The following PLSCR2 variants were observed in gnomAD, a reference collection of about 807,000 sequenced individuals.
The protein encoded by PLSCR2 is PL scramblase 2.
A neutral mutation model predicts 25.3 loss-of-function variants in PLSCR2; 18 were observed. The observed-to-expected ratio is 0.71, with a 90% confidence interval of 0.49 to 1.06. The LOEUF (loss-of-function observed/expected upper bound fraction) is 1.06. Ranked by LOEUF, PLSCR2 falls within the 50% of genes least tolerant of loss-of-function variation. PLSCR2 has a pLI of 0.00. For synonymous variants in PLSCR2, 88 were observed against 87.3 expected (o/e 1.01, Z -0.04); for missense variants, 243 against 269.5 (o/e 0.90, Z 0.69).
chr3:146,438,834 T>C (rs533170366), downstream of PLSCR2, among the ~76,000 whole-genome samples: 134 of 152,318 alleles, frequency 8.8e-4, no homozygotes, highest in African/African-American at 3.1e-3. Context: ...TAGCTGGTTA[T>C]TTTGCTCATT....
chr3:146,472,125 A>G (rs2042138298), intron 1 of PLSCR2, among the ~76,000 whole-genome samples: 3 of 152,232 alleles, frequency 2.0e-5, no homozygotes, highest in Non-Finnish European at 4.4e-5. Context: ...GTGCAAGCAC[A>G]TGCTGTGTAT....
At chr3:146,414,869 A>G (rs2038960213) in intron 2 of PLSCR2, among the ~76,000 whole-genome samples, 1 of 152,220 alleles carries the variant, frequency 6.6e-6, no homozygotes, top group African/African-American at 2.4e-5. Flanking sequence ...TGTTATACCT[A>G]TGTTTAGCAT....
chr3:146,393,307 C>A (rs1340031472), intron 3 of PLSCR2, among the ~76,000 whole-genome samples: 1 of 151,130 alleles, frequency 6.6e-6, no homozygotes, highest in South Asian at 2.1e-4. Flanking sequence ...GGATTACAGG[C>A]GTGAGCCACC....
upstream of PLSCR2, chr3:146,464,082 G>A (rs1163410788): frequency 2.2e-6 from 1 of 448,214 alleles, no homozygotes; most frequent in Non-Finnish European, 2.9e-6. Flanking sequence ...GCATTAACTG[G>A]TCAGAAATCA....
chr3:146,482,909 G>T (rs1388258486), intron 1 of PLSCR2, among the ~76,000 whole-genome samples: 1 of 152,106 alleles, frequency 6.6e-6, no homozygotes, highest in Non-Finnish European at 1.5e-5. Context: ...AAAATGATGA[G>T]TTCATGTCCT....
rs73865722 is a variant in PLSCR2 at position 146,451,729 on chromosome 3, T to A, written c.483+2273A>T. Among the ~76,000 whole-genome samples the A allele has an allele frequency of 4.0e-3, 606 of 152,300 alleles. 5 individuals are homozygous for A. Among genetic ancestry groups the A allele is most frequent in the African/African-American group, 0.013 (549 of 41,566 alleles). On this transcript the variant is annotated intron_variant, in intron 5 of 6. Transcript: ENST00000610787. ...ATGAGAGTAAGGCCAGAGTTTGAGT[T>A]ATTCACCAATAGCCAGTGGTTTAAA...
chr3:146,418,262 G>A (rs1283939195), intron 2 of PLSCR2, among the ~76,000 whole-genome samples: 1 of 152,054 alleles, frequency 6.6e-6, no homozygotes, highest in African/African-American at 2.4e-5. Context: ...CACATGCAAA[G>A]TATATAAACC....
chr3:146,429,129 TG>T (rs1448200790), downstream of PLSCR2, among the ~76,000 whole-genome samples: 1 of 152,202 alleles, frequency 6.6e-6, no homozygotes, highest in Non-Finnish European at 1.5e-5. Context: ...ATTTGGCTCA[TG>T]GTTCTGCAGG....
chr3:146,457,311 A>G (rs1267092714), intron 3 of PLSCR2, among the ~76,000 whole-genome samples: 1 of 152,204 alleles, frequency 6.6e-6, no homozygotes, highest in Non-Finnish European at 1.5e-5. Flanking sequence ...ATTATATCAG[A>G]AGGAAGACGC....
intron 1 of PLSCR2, among the ~76,000 whole-genome samples, chr3:146,489,970 C>G (rs2043486498): frequency 6.6e-6 from 1 of 152,060 alleles, no homozygotes; most frequent in Admixed American, 6.6e-5. Context: ...GGCACATTTA[C>G]CCCATTCCGG....
intron 2 of PLSCR2, among the ~76,000 whole-genome samples, chr3:146,403,882 C>G (rs1010697468): frequency 6.6e-6 from 1 of 152,074 alleles, no homozygotes; most frequent in African/African-American, 2.4e-5. Flanking sequence ...AATTCTTTGC[C>G]TTCTACTTTT....
chr3:146,472,078 G>A (rs1230730593), intron 1 of PLSCR2, among the ~76,000 whole-genome samples: 1 of 152,164 alleles, frequency 6.6e-6, no homozygotes, highest in African/African-American at 2.4e-5. Flanking sequence ...AGTTGGGAAT[G>A]TCTAGTTGTC....
chr3:146,458,339 G>C lies in PLSCR2; in HGVS notation c.100+72C>G, dbSNP rs547555552. 9.3e-4 allele frequency: 1,201 copies of C among 1,286,786 alleles called. 5 individuals are homozygous for C. The Middle Eastern group carries it at 9.7e-3, about 10-fold the overall frequency. 79.7% of individuals were successfully genotyped at this position (1,286,786 alleles called of 1,614,324 possible). On this transcript the variant is annotated intron_variant, in intron 3 of 6. Coordinates refer to ENST00000610787, the Ensembl canonical transcript of PLSCR2. ...CATCACTCGGAATGCTATATTTATA[G>C]TTTTTGATGTATCTTTATTTGCATA...
chr3:146,392,082 A>G (rs1287400608), intron 3 of PLSCR2, among the ~76,000 whole-genome samples: 1 of 152,028 alleles, frequency 6.6e-6, no homozygotes, highest in Non-Finnish European at 1.5e-5. Flanking sequence ...TTTAATATCT[A>G]TTTATTACTC....
Position 146,400,794 on chromosome 3 carries a change from A to G in PLSCR2, c.101-4873T>C, listed in dbSNP as rs545788677. 5.9e-5 allele frequency among the ~76,000 whole-genome samples: 9 copies of G among 152,024 alleles called. No homozygotes were observed. In the East Asian group the frequency reaches 1.7e-3, roughly 29 times the overall value. On this transcript the variant is annotated intron_variant and NMD_transcript_variant, in intron 2 of 3. Transcript: ENST00000463633. ...TGATCCTAGCTCCGTGTGTGTATAT[A>G]TATTTGTATGTATATACATAGGTAG...
intron 2 of PLSCR2, among the ~76,000 whole-genome samples, chr3:146,427,868 C>A (rs1002422175): frequency 1.3e-5 from 2 of 152,130 alleles, no homozygotes; most frequent in African/African-American, 4.8e-5. Context: ...TAGCCCAGAG[C>A]AATATCTTTG....
chr3:146,436,048 G>C (rs1393051651), intron 8 of PLSCR2, among the ~76,000 whole-genome samples: 1 of 152,098 alleles, frequency 6.6e-6, no homozygotes, highest in Non-Finnish European at 1.5e-5. Context: ...CCCATTTCTT[G>C]TTTTTGTCAG....
chr3:146,392,779 G>T (rs555864911), intron 3 of PLSCR2, among the ~76,000 whole-genome samples: 59 of 149,984 alleles, frequency 3.9e-4, no homozygotes, highest in African/African-American at 1.4e-3. Flanking sequence ...GTACAAGTAT[G>T]GGTACTCTTT....
At position 146,469,567 on chromosome 3, in the gene PLSCR2, G is replaced by T. The variant is rs1188502687; in HGVS notation, c.-292-9283C>A. ...AGCGTGGCTTCCTCCCGTCTGCCCC[G>T]TGACTGCCAGGCACACCTGTTGCAC... On this transcript the variant is annotated intron_variant, in intron 1 of 8. Coordinates refer to the PLSCR2 transcript ENST00000336685. The T allele has an allele frequency of 7.1e-6, 7 of 985,290 alleles. No individual in the cohort carries two copies. The highest frequency in any genetic ancestry group is 3.6e-6 in the Non-Finnish European group (3 of 829,908). The allele number at this position is 985,290 out of a possible 1,614,324, so 61.0% of individuals were successfully genotyped here. A position where few individuals can be genotyped will look rare whatever the true frequency, so the allele number is the denominator to read the frequency against.
Sources: gnomAD v4.1 joint callset for allele counts (sites outside exome capture counted in the v4.1 genomes callset) on GRCh38, gnomAD v4.1.1 for gene constraint, MANE v1.5 for transcripts, NCBI Gene and HGNC (gene_info 2026-07-23, HGNC 2026-07-21) for gene names.